The following CHRNA1 variants were observed in gnomAD, a reference collection of about 807,000 sequenced individuals.
The protein encoded by CHRNA1 is cholinergic receptor nicotinic alpha 1 subunit, also known as acetylcholine receptor subunit alpha.
CHRNA1 carries 35 observed loss-of-function variants against 47.1 expected under a neutral mutation model. The observed-to-expected ratio is 0.74, with a 90% CI of 0.57 to 0.99. The LOEUF (loss-of-function observed/expected upper bound fraction) is 0.99, where lower values mean the gene tolerates loss of function less well. Among genes scored for constraint, CHRNA1 ranks in the 50% least tolerant of loss-of-function variants. The probability of loss-of-function intolerance (pLI) is 0.00; values close to 1 mark genes in which losing one functional copy is unlikely to be tolerated. For synonymous variants in CHRNA1, 229 were observed against 223.6 expected, an observed-to-expected ratio of 1.02 and a Z score of -0.22; for missense variants, 506 against 591.1, an observed-to-expected ratio of 0.86 and a Z score of 1.49.
At chr2:174,749,806 C>T (rs1683810012) in intron 7 of CHRNA1, 140 bp downstream of exon 7, 1 of 735,716 alleles carries the variant, frequency 1.4e-6, no homozygotes, top group Non-Finnish European at 2.4e-6. Context: ...AAAGAAAGTT[C>T]CTTCCAAAAA....
chr2:174,758,267 G>T (rs1684023588), intron 3 of CHRNA1, among the ~76,000 whole-genome samples: 2 of 152,052 alleles, frequency 1.3e-5, no homozygotes, highest in African/African-American at 4.8e-5. Flanking sequence ...AAATTAGCCG[G>T]GCGTGGTGGT....
Position 174,748,545 on chromosome 2 carries a change from A to T in CHRNA1, c.1242+35T>A, listed in dbSNP as rs2305415. 0.014 allele frequency: 22,266 copies of T among 1,606,846 alleles called. 704 individuals are homozygous for T. Among genetic ancestry groups the T allele is most frequent in the African/African-American group, 0.11 (8,430 of 74,678 alleles). ...TGTGCTCATACATTTGACCATTTAA[A>T]CCCAGAGGCATGAATTTCAAGCCAC... On this transcript the variant is annotated intron_variant, in intron 8 of 8. Transcript: ENST00000348749.
intron 1 of CHRNA1, among the ~76,000 whole-genome samples, chr2:174,760,530 A>G (rs929083730): frequency 6.6e-6 from 1 of 152,220 alleles, no homozygotes; most frequent in African/African-American, 2.4e-5. Context: ...AAAGCAGAGC[A>G]GGAGTTACCA....
intron 8 of CHRNA1, 61 bp downstream of exon 8, chr2:174,748,519 C>G: frequency 6.3e-7 from 1 of 1,586,720 alleles, no homozygotes. Flanking sequence ...GACTCACCAC[C>G]TGTGCTCATA....
At chr2:174,763,069 C>T (rs1038694442) in intron 1 of CHRNA1, among the ~76,000 whole-genome samples, 11 of 152,214 alleles carry the variant, frequency 7.2e-5, no homozygotes, top group African/African-American at 2.6e-4. Flanking sequence ...CTTTAGTTTC[C>T]TTGTAATAAA....
At chr2:174,749,599 C>A (rs558099675) in intron 7 of CHRNA1, among the ~76,000 whole-genome samples, 86 of 152,256 alleles carry the variant, frequency 5.6e-4, no homozygotes, top group Middle Eastern at 3.4e-3. Flanking sequence ...AAAAAATAAG[C>A]CAGTCTGTTC....
intron 8 of CHRNA1, 112 bp from the exon 9 acceptor site, chr2:174,748,367 C>T (rs1367713834): frequency 6.7e-7 from 1 of 1,489,454 alleles, no homozygotes. Flanking sequence ...TCAAAGTCCT[C>T]CCATCCCTTG....
rs755842576 is a variant in CHRNA1 at position 174,754,218 on chromosome 2, C to G, written c.540+1G>C. Reference sequence around the variant, plus strand: ...CCTTATCATATGTGGCCACCACCTACCGGGTTGATGGCCACGACAGAGCCG... The same window carrying G: ...CCTTATCATATGTGGCCACCACCTAGCGGGTTGATGGCCACGACAGAGCCG... On this transcript the variant is annotated splice_donor_variant, in intron 5 of 8. Transcript: ENST00000348749. LOFTEE classifies it high-confidence loss of function. The G allele has an allele frequency of 2.5e-6, 4 of 1,613,012 alleles. No individual in the cohort carries two copies. Among genetic ancestry groups the G allele is most frequent in the Non-Finnish European group, 3.4e-6 (4 of 1,179,802 alleles).
At chr2:174,753,415 G>A in intron 6 of CHRNA1, 88 bp downstream of exon 6, 3 of 1,294,734 alleles carry the variant, frequency 2.3e-6, no homozygotes, top group Non-Finnish European at 3.4e-6. Context: ...CTGCCTGTTT[G>A]TTAGCACATG....
In CHRNA1 at chr2:174,757,661, G is replaced by A; in HGVS notation, c.249C>T (p.Tyr83=). 1 of 1,613,906 alleles carries A rather than the reference G, an allele frequency of 6.2e-7. No individual in the cohort carries two copies. Residue 83 remains tyrosine, a synonymous_variant, in exon 4 of 9, where the codon TAC becomes TAT. Transcript: ENST00000348749. ...AGTCATCTGGATTCCATTTTAGGTT[G>A]TAATCCACCCATTGCTAGAAACAAA... is the stretch of plus-strand genomic sequence containing the variant. ...NVRLKQQWVD[Y]NLKWNPDDYG...
chr2:174,759,809 T>C (rs993786992), intron 1 of CHRNA1, among the ~76,000 whole-genome samples, 176 bp from the exon 2 acceptor site: 1 of 152,064 alleles, frequency 6.6e-6, no homozygotes, highest in Non-Finnish European at 1.5e-5. Context: ...GTTTTTCCAA[T>C]TACAGTTGCT....
At chr2:174,752,197 CTATT>C (rs1318200708) in intron 6 of CHRNA1, among the ~76,000 whole-genome samples, 1 of 151,892 alleles carries the variant, frequency 6.6e-6, no homozygotes, top group African/African-American at 2.4e-5. Flanking sequence ...GACTCCATCT[CTATT>C]TATTTATTTT....
intron 4 of CHRNA1, 62 bp from the exon 5 acceptor site, chr2:174,754,476 G>A (rs1005965248): frequency 1.8e-5 from 27 of 1,460,542 alleles, no homozygotes; most frequent in Middle Eastern, 4.3e-4. Flanking sequence ...CATTCTGCTT[G>A]GGGACGTTAA....
In CHRNA1 at chr2:174,748,625, G is replaced by A. The variant is rs775542425; in HGVS notation, c.1197C>T (p.Ile399=). 1.9e-6 allele frequency: 3 copies of A among 1,614,116 alleles called. No homozygotes were observed. In the Admixed American group the frequency reaches 5.0e-5, roughly 27 times the overall value. Residue 399 remains isoleucine (I), a synonymous_variant, in exon 8 of 9, where the codon ATC becomes ATT. Transcript: ENST00000348749. ...ACTTCATGGTCTCTGCGATGTACTT[G>A]ATGCCCTCGATGGCACTTTTCACCT... ...HPEVKSAIEG[I]KYIAETMKSD...
intron 6 of CHRNA1, 87 bp from the exon 7 acceptor site, chr2:174,750,256 G>T: frequency 9.9e-7 from 1 of 1,012,036 alleles, no homozygotes. Flanking sequence ...CCATTTATAT[G>T]TGGAAGTCCT....
intron 7 of CHRNA1, 72 bp downstream of exon 7, chr2:174,749,874 C>A (rs1683810890): frequency 1.5e-6 from 2 of 1,335,546 alleles, no homozygotes; most frequent in African/African-American, 2.9e-5. Context: ...TAGCTAGAAA[C>A]CCACTGGCTC....
At chr2:174,751,653 T>C (rs536565474) in intron 6 of CHRNA1, among the ~76,000 whole-genome samples, 1 of 152,054 alleles carries the variant, frequency 6.6e-6, no homozygotes, top group African/African-American at 2.4e-5. Flanking sequence ...TGCTTTTCTT[T>C]TTTCTTTCTT....
chr2:174,756,595 T>C (rs1348625740), intron 4 of CHRNA1, among the ~76,000 whole-genome samples: 2 of 152,320 alleles, frequency 1.3e-5, no homozygotes, highest in Admixed American at 6.5e-5. Context: ...TCTTCTCAGA[T>C]TCCTACTGGA....
rs1167117984 is a variant in CHRNA1 at position 174,750,156 on chromosome 2, A to C, written c.792T>G (p.Thr264=). The C allele has an allele frequency of 6.2e-7, 1 of 1,606,402 alleles. No individual in the cohort carries two copies. The highest frequency in any genetic ancestry group is 8.5e-7 in the Non-Finnish European group (1 of 1,177,302). The part of the protein sequence containing the change: ...YLPTDSGEKM[T]LSISVLLSLT... ...AAGACAGTAAGACAGAGATGCTCAGAGTCATCTTCTCCCCTGAAAAGACCA... is the reference window on the plus strand; with the variant it reads ...AAGACAGTAAGACAGAGATGCTCAGCGTCATCTTCTCCCCTGAAAAGACCA... Residue 264 remains threonine (T), a synonymous_variant, in exon 7 of 9, where the codon ACT becomes ACG. Transcript: ENST00000348749.
Sources: gnomAD v4.1 joint callset for allele counts (sites outside exome capture counted in the v4.1 genomes callset) on GRCh38, gnomAD v4.1.1 for gene constraint, MANE v1.5 for transcripts, NCBI Gene and HGNC (gene_info 2026-07-23, HGNC 2026-07-21) for gene names.